Variants in NOSTRIN observed in about 807,000 individuals in gnomAD.
NOSTRIN encodes nitric oxide synthase trafficking.
NOSTRIN carries 63 observed loss-of-function variants against 59.0 expected under a neutral mutation model. The observed-to-expected ratio is 1.07, with a 90% confidence interval of 0.87 to 1.32. The LOEUF is 1.32. NOSTRIN is among the 40% of genes most tolerant of loss of function. The pLI, the probability that NOSTRIN is intolerant of heterozygous loss-of-function variation, is 0.00. For missense variants in NOSTRIN, 512 were observed against 473.1 expected, an observed-to-expected ratio of 1.08 and a Z score of -0.76; for synonymous variants, 200 against 165.4, an observed-to-expected ratio of 1.21 and a Z score of -1.61.
rs562375477 is a variant in NOSTRIN, at chr2:168,790,560, A to C, written c.-473+2512A>C. On this transcript the variant is annotated intron_variant, in intron 2 of 20. Transcript: ENST00000458381. ...CTGAATCTGATCATGAGCAAACATC[A>C]GATAAGTCCAAATTGAAGGACGTTA... Among the ~76,000 whole-genome samples the C allele has an allele frequency of 5.9e-5, 9 of 152,364 alleles. 1 individual carries two copies. In the South Asian group the frequency reaches 1.9e-3, roughly 32 times the overall value.
chr2:168,854,394 T>C (rs1280553810), intron 10 of NOSTRIN, among the ~76,000 whole-genome samples: 1 of 152,118 alleles, frequency 6.6e-6, no homozygotes, highest in East Asian at 1.9e-4. Context: ...TAGTTTCCCG[T>C]CTTTCTCCAT....
chr2:168,831,148 G>A (rs1687335088), intron 5 of NOSTRIN, among the ~76,000 whole-genome samples: 1 of 152,160 alleles, frequency 6.6e-6, no homozygotes, highest in Admixed American at 6.5e-5. Flanking sequence ...TGGAGGCTGG[G>A]AAGTCCAAGA....
rs375578090 is a variant in NOSTRIN, at chr2:168,812,419, G to GA, written c.113+771dup. 6.5e-3 allele frequency among the ~76,000 whole-genome samples: 994 copies of GA among 152,256 alleles called. 4 individuals are homozygous for GA. Among genetic ancestry groups the GA allele is most frequent in the Middle Eastern group, 0.02 (6 of 294 alleles). ...TCCTGAATTAGTAGGTTGTAGGGGA[G>GA]AAAACATAATTTCTTTTCTGTCGCT... On this transcript the variant is annotated intron_variant, in intron 2 of 15. Transcript: ENST00000317647.
intron 1 of NOSTRIN, among the ~76,000 whole-genome samples, chr2:168,806,079 G>A (rs555865422): frequency 1.6e-4 from 24 of 152,108 alleles, no homozygotes; most frequent in Non-Finnish European, 3.1e-4. Context: ...ATACTACGCA[G>A]ATGGTGAACA....
upstream of NOSTRIN, among the ~76,000 whole-genome samples, chr2:168,797,085 T>TTTTTTTTTTTTTG (rs1685502762): frequency 3.2e-5 from 3 of 94,144 alleles, no homozygotes; most frequent in African/African-American, 1.5e-4. Flanking sequence ...TTTTCTTTTT[T>TTTTTTTTTTTTTG]TTTTTTTTTT....
At chr2:168,839,943 G>A (rs1211712651) in intron 7 of NOSTRIN, among the ~76,000 whole-genome samples, 1 of 137,150 alleles carries the variant, frequency 7.3e-6, no homozygotes, top group Admixed American at 7.4e-5. Context: ...GTGTGTGTAT[G>A]AGTATACATT....
chr2:168,798,248 A>G (rs1043012535), upstream of NOSTRIN: 1 of 152,188 alleles, frequency 6.6e-6, no homozygotes, highest in Non-Finnish European at 1.5e-5. Context: ...GTGGGCTCAT[A>G]TTACCATAAA....
At chr2:168,796,922 A>G (rs1315822447), upstream of NOSTRIN, among the ~76,000 whole-genome samples, 6 of 152,156 alleles carry the variant, frequency 3.9e-5, no homozygotes, top group Non-Finnish European at 8.8e-5. Context: ...TTGCGAATGA[A>G]GTCACTCTCT....
chr2:168,802,135 A>G (rs375621894), upstream of NOSTRIN, among the ~76,000 whole-genome samples: 6 of 152,240 alleles, frequency 3.9e-5, no homozygotes, highest in East Asian at 7.7e-4. Context: ...TGGTTTGCAT[A>G]TTAAAGGAGT....
At chr2:168,813,617 A>G (rs1372367949) in intron 2 of NOSTRIN, among the ~76,000 whole-genome samples, 1 of 152,102 alleles carries the variant, frequency 6.6e-6, no homozygotes, top group Non-Finnish European at 1.5e-5. Context: ...TAGAGTGACA[A>G]ACATATCCAG....
intron 2 of NOSTRIN, among the ~76,000 whole-genome samples, chr2:168,816,962 C>A (rs769988812): frequency 1.3e-5 from 2 of 152,130 alleles, no homozygotes; most frequent in Non-Finnish European, 2.9e-5. Context: ...AAAACATTTA[C>A]TGGCATAATA....
At chr2:168,815,533 C>T (rs1334472014) in intron 2 of NOSTRIN, among the ~76,000 whole-genome samples, 1 of 152,170 alleles carries the variant, frequency 6.6e-6, no homozygotes, top group Non-Finnish European at 1.5e-5. Flanking sequence ...AACTGCTGCT[C>T]TGGACATTAA....
At chr2:168,811,441 G>T in intron 1 of NOSTRIN, 126 bp from the exon 2 acceptor site, 1 of 485,194 alleles carries the variant, frequency 2.1e-6, no homozygotes. Flanking sequence ...AATGCCTGTA[G>T]CTGCACGATC....
chr2:168,834,621 C>CTA (rs1021503550), intron 7 of NOSTRIN, among the ~76,000 whole-genome samples: 7 of 151,432 alleles, frequency 4.6e-5, no homozygotes, highest in African/African-American at 1.7e-4. Flanking sequence ...CATCAAAGTC[C>CTA]TAGGCTCAAG....
At chr2:168,829,185 G>T (rs1284929087) in intron 5 of NOSTRIN, among the ~76,000 whole-genome samples, 1 of 151,920 alleles carries the variant, frequency 6.6e-6, no homozygotes, top group African/African-American at 2.4e-5. Context: ...ATCCTTTCAG[G>T]GGCACCTGGT....
intron 10 of NOSTRIN, 53 bp downstream of exon 10, chr2:168,851,457 G>C: frequency 2.6e-6 from 4 of 1,549,668 alleles, no homozygotes; most frequent in Non-Finnish European, 3.5e-6. Flanking sequence ...CTTAGGTACT[G>C]AGGGACTTAC....
intron 7 of NOSTRIN, 119 bp downstream of exon 7, chr2:168,834,444 T>G: frequency 1.6e-6 from 1 of 637,850 alleles, no homozygotes; most frequent in Non-Finnish European, 2.8e-6. Context: ...CCTGCAGAGA[T>G]GTAGCTTGAC....
chr2:168,820,017 C>T (rs1361224920), intron 2 of NOSTRIN, among the ~76,000 whole-genome samples: 3 of 152,200 alleles, frequency 2.0e-5, no homozygotes, highest in Non-Finnish European at 1.5e-5. Flanking sequence ...GCTATTCAGC[C>T]TCCAGGAGCT....
intron 2 of NOSTRIN, among the ~76,000 whole-genome samples, chr2:168,790,268 A>G (rs778619401): frequency 3.3e-5 from 5 of 152,232 alleles, no homozygotes; most frequent in South Asian, 4.1e-4. Context: ...ATGGGAAACT[A>G]TGAGTTCATA....
Sources: allele counts gnomAD v4.1 joint callset (sites outside exome capture counted in the v4.1 genomes callset), GRCh38; gene constraint gnomAD v4.1.1; transcripts MANE v1.5; gene names NCBI Gene and HGNC (gene_info 2026-07-23, HGNC 2026-07-21).